FGFBP3: variants seen among roughly 807,000 people sequenced by gnomAD.
FGFBP3 encodes fibroblast growth factor-binding protein 3.
Under a neutral mutation model 4.8 loss-of-function variants are expected in FGFBP3, and 4 were observed. The observed-to-expected ratio is 0.83, with a 90% CI of 0.41 to 1.90. FGFBP3 has a LOEUF of 1.90. Among genes scored for constraint, FGFBP3 ranks in the 40% most tolerant of loss-of-function variants. FGFBP3 has a pLI of 0.03. For missense variants in FGFBP3, 429 were observed against 397.4 expected, an observed-to-expected ratio of 1.08 and a Z score of -0.68; for synonymous variants, 215 against 190.0, an observed-to-expected ratio of 1.13 and a Z score of -1.08.
intron 1 of FGFBP3, 96 bp from the exon 2 acceptor site, chr10:91,909,143 G>C: frequency 1.5e-6 from 1 of 670,784 alleles, no homozygotes; most frequent in Non-Finnish European, 2.3e-6. Flanking sequence ...AGACTTTCTA[G>C]AATCTGCAGC....
chr10:91,909,016 G>A lies in FGFBP3; in HGVS notation c.-47C>T. 6.6e-7 allele frequency: 1 copy of A among 1,518,500 alleles called. No homozygotes were observed. The highest frequency in any genetic ancestry group is 8.8e-7 in the Non-Finnish European group (1 of 1,135,066). 94.1% of individuals were successfully genotyped at this position (1,518,500 alleles called of 1,614,324 possible). ...GCTGTTCTCAGACCACGTTTGTCGG[G>A]GCTGGACCAGGCAAAGAGCATTCCC... On this transcript the variant is annotated 5_prime_UTR_variant, in exon 2 of 2. Coordinates refer to ENST00000311575, the MANE Select transcript of FGFBP3 (RefSeq NM_152429.5).
chr10:91,908,081 A>G lies in FGFBP3; in HGVS notation c.*112T>C. Reference sequence around the variant, plus strand: ...TTACCCTTGCCCCCACCCCCATTCGAGAACCTGGACTTCTCCCCAATCTCT... The same window carrying G: ...TTACCCTTGCCCCCACCCCCATTCGGGAACCTGGACTTCTCCCCAATCTCT... On this transcript the variant is annotated 3_prime_UTR_variant, in exon 2 of 2. Coordinates refer to ENST00000311575, the MANE Select transcript of FGFBP3 (RefSeq NM_152429.5). The G allele has an allele frequency of 2.5e-6, 3 of 1,178,720 alleles. No homozygotes were observed. The highest frequency in any genetic ancestry group is 3.4e-6 in the Non-Finnish European group (3 of 879,722). 73.0% of individuals were successfully genotyped at this position (1,178,720 alleles called of 1,614,324 possible).
rs916248560 is a variant in FGFBP3 at position 91,908,117 on chromosome 10, C to T, written c.*76G>A. 2 of 1,513,228 alleles carry T rather than the reference C, an allele frequency of 1.3e-6. No homozygotes were observed. The highest frequency in any genetic ancestry group is 1.8e-6 in the Non-Finnish European group (2 of 1,132,924). The allele number at this position is 1,513,228 out of a possible 1,614,324, so 93.7% of individuals were successfully genotyped here. On this transcript the variant is annotated 3_prime_UTR_variant, in exon 2 of 2. Transcript: ENST00000311575. ...TTCTCCCCAATCTCTATCACAGTAC[C>T]CCCCGGTCTAAGACGCCCTTAGCTT...
Position 91,908,144 on chromosome 10 carries a change from C to T in FGFBP3, c.*49G>A. The T allele has an allele frequency of 6.4e-7, 1 of 1,573,880 alleles. No individual in the cohort carries two copies. Among genetic ancestry groups the T allele is most frequent in the South Asian group, 1.2e-5 (1 of 86,202 alleles). ...CCCGGTCTAAGACGCCCTTAGCTTT[C>T]CCTTCCCCACGCCTCCCCCATCAAC... On this transcript the variant is annotated 3_prime_UTR_variant, in exon 2 of 2. Coordinates refer to ENST00000311575, the MANE Select transcript of FGFBP3 (RefSeq NM_152429.5).
At position 91,907,893 on chromosome 10, in the gene FGFBP3, C is replaced by T; in HGVS notation, c.*300G>A. On this transcript the variant is annotated 3_prime_UTR_variant, in exon 2 of 2. Coordinates refer to ENST00000311575, the MANE Select transcript of FGFBP3 (RefSeq NM_152429.5). ...TCTCAGCCTCCCTCTGCATCGATTT[C>T]TCTCCCCAGTCTCCAGTTTTTGCAC... is the stretch of plus-strand genomic sequence containing the variant. The T allele has an allele frequency of 2.9e-6, 1 of 339,014 alleles. No individual in the cohort carries two copies. The highest frequency in any genetic ancestry group is 7.8e-4 in the Middle Eastern group (1 of 1,274). 21.0% of individuals were successfully genotyped at this position (339,014 alleles called of 1,614,324 possible). A position where few individuals can be genotyped will look rare whatever the true frequency, so the allele number is the denominator to read the frequency against.
In FGFBP3 at chr10:91,908,382, T is replaced by C. The variant is rs1405080880; in HGVS notation, c.588A>G (p.Lys196=). The change falls in exon 2 of 2, where the codon AAA becomes AAG. Residue 196 remains lysine, a synonymous_variant. Coordinates refer to ENST00000311575, the MANE Select transcript of FGFBP3 (RefSeq NM_152429.5). ...GTPPPQSAPP[K]ENPSERKTNE... is the part of the protein sequence containing the mutation. ...TGGTCTTCCTCTCTGAGGGGTTTTC[T>C]TTGGGCGGTGCGCTTTGGGGAGGCG... is the stretch of plus-strand genomic sequence containing the variant. 5.1e-6 allele frequency: 8 copies of C among 1,564,668 alleles called. No individual in the cohort carries two copies. The highest frequency in any genetic ancestry group is 6.9e-6 in the Non-Finnish European group (8 of 1,160,138).
chr10:91,908,132 G>T lies in FGFBP3; in HGVS notation c.*61C>A. ...ATCACAGTACCCCCCGGTCTAAGAC[G>T]CCCTTAGCTTTCCCTTCCCCACGCC... is the stretch of plus-strand genomic sequence containing the variant. On this transcript the variant is annotated 3_prime_UTR_variant, in exon 2 of 2. Coordinates refer to ENST00000311575, the MANE Select transcript of FGFBP3 (RefSeq NM_152429.5). 6.6e-7 allele frequency: 1 copy of T among 1,524,818 alleles called. No individual in the cohort carries two copies. 94.5% of individuals were successfully genotyped at this position (1,524,818 alleles called of 1,614,324 possible). A position where few individuals can be genotyped will look rare whatever the true frequency, so the allele number is the denominator to read the frequency against.
Position 91,908,888 on chromosome 10 carries a change from TCCGAGCAGCC to T in FGFBP3, c.72_81del (p.Ala25GlyfsTer120). On this transcript the variant is annotated frameshift_variant, in exon 2 of 2. Coordinates refer to ENST00000311575, the MANE Select transcript of FGFBP3 (RefSeq NM_152429.5). LOFTEE classifies it low-confidence loss of function (END_TRUNC). ...ACGTTGCTAGCCGCCCCTTTCTCCC[TCCGAGCAGCC>T]GCGAGGAGGCAACCACTCAGCAGCA... is the stretch of plus-strand genomic sequence containing the variant. 1 of 1,592,438 alleles carries T rather than the reference TCCGAGCAGCC, an allele frequency of 6.3e-7. No homozygotes were observed. The highest frequency in any genetic ancestry group is 8.5e-7 in the Non-Finnish European group (1 of 1,173,736).
chr10:91,908,705 G>A lies in FGFBP3; in HGVS notation c.265C>T (p.Gln89Ter). The change falls in exon 2 of 2, where the codon CAG becomes TAG. Residue 89 changes from glutamine (Q) to a stop codon, truncating the protein, a stop_gained. Transcript: ENST00000311575. LOFTEE classifies it low-confidence loss of function (END_TRUNC). Reference protein sequence around the residue: ...RCQSPDGARHQCAYRGHPERC... With the variant: ...RCQSPDGARH ...TCCGGATGCCCGCGGTAGGCGCACTGGTGGCGCGCCCCGTCCGGGCTCTGG... is the reference window on the plus strand; with the variant it reads ...TCCGGATGCCCGCGGTAGGCGCACTAGTGGCGCGCCCCGTCCGGGCTCTGG... The A allele has an allele frequency of 2.1e-6, 3 of 1,395,602 alleles. No homozygotes were observed. The highest frequency in any genetic ancestry group is 2.8e-6 in the Non-Finnish European group (3 of 1,081,718). The allele number at this position is 1,395,602 out of a possible 1,614,324, so 86.5% of individuals were successfully genotyped here.
Position 91,908,459 on chromosome 10 carries a change from G to T in FGFBP3, c.511C>A (p.Arg171=). Residue 171 remains arginine (R), a synonymous_variant, in exon 2 of 2, where the codon CGG becomes AGG. Transcript: ENST00000311575. ...GFAGESKPRA[R]NRGRTRERAS... ...CGCTCCCGGGTCCGCCCCCGGTTCC[G>T]GGCCCGGGGCTTGGACTCCCCCGCG... The T allele has an allele frequency of 6.9e-7, 1 of 1,451,142 alleles. No homozygotes were observed. 89.9% of individuals were successfully genotyped at this position (1,451,142 alleles called of 1,614,324 possible).
In FGFBP3 at chr10:91,908,732, A is replaced by C. The variant is rs780202289; in HGVS notation, c.238T>G (p.Cys80Gly). Residue 80 changes from cysteine (C) to glycine (G), a missense_variant, in exon 2 of 2, where the codon TGC (cysteine) becomes GGC (glycine). Cys to Gly is a radical substitution (Grantham distance 159). Coordinates refer to ENST00000311575, the MANE Select transcript of FGFBP3 (RefSeq NM_152429.5). ...TGGCGCGCCCCGTCCGGGCTCTGGC[A>C]GCGCAGCGCCAGCTCGCTGCCCGCT... Reference protein sequence around the residue: ...AAAGSELALRCQSPDGARHQC... With the variant: ...AAAGSELALRGQSPDGARHQC... The C allele has an allele frequency of 1.1e-5, 15 of 1,376,378 alleles. 1 individual carries two copies. The South Asian group carries it at 2.3e-4, about 21-fold the overall frequency. 85.3% of individuals were successfully genotyped at this position (1,376,378 alleles called of 1,614,324 possible). A position where few individuals can be genotyped will look rare whatever the true frequency, so the allele number is the denominator to read the frequency against.
Position 91,908,927 on chromosome 10 carries a change from GCAGCGACGGCGA to G in FGFBP3, c.31_42del (p.Ser11_Leu14del), listed in dbSNP as rs1295923743. 7.5e-6 allele frequency: 12 copies of G among 1,605,516 alleles called. No homozygotes were observed. Among genetic ancestry groups the G allele is most frequent in the Non-Finnish European group, 9.3e-6 (11 of 1,177,450 alleles). On this transcript the variant is annotated inframe_deletion, in exon 2 of 2. Coordinates refer to ENST00000311575, the MANE Select transcript of FGFBP3 (RefSeq NM_152429.5). ...AGGAGGCAACCACTCAGCAGCAGCA[GCAGCGACGGCGA>G]CAGCGACGCTCGCAGCTTCGGAGGA...
Position 91,908,919 on chromosome 10 carries a change from C to T in FGFBP3, c.51G>A (p.Leu17=), listed in dbSNP as rs1401353044. The stretch of plus-strand genomic sequence containing the variant: ...CAGCCGCGAGGAGGCAACCACTCAG[C>T]AGCAGCAGCAGCGACGGCGACAGCG... ...RASLSPSLLL[L]LSGCLLAAAR... The change falls in exon 2 of 2, where the codon CTG becomes CTA. Residue 17 remains leucine, a synonymous_variant. Coordinates refer to ENST00000311575, the MANE Select transcript of FGFBP3 (RefSeq NM_152429.5). 2 of 1,604,928 alleles carry T rather than the reference C, an allele frequency of 1.2e-6. No individual in the cohort carries two copies. Among genetic ancestry groups the T allele is most frequent in the Admixed American group, 3.4e-5 (2 of 59,246 alleles).
chr10:91,908,511 CG>C lies in FGFBP3; in HGVS notation c.458del (p.Pro153ArgfsTer116). On this transcript the variant is annotated frameshift_variant, in exon 2 of 2. Coordinates refer to ENST00000311575, the MANE Select transcript of FGFBP3 (RefSeq NM_152429.5). LOFTEE classifies it low-confidence loss of function (END_TRUNC). ...ATCCCGCGACGGTGGGGCGTGCGGGCGGGGACGCGCGGGGCACTAGCCGCAG... is the reference window on the plus strand; with the variant it reads ...ATCCCGCGACGGTGGGGCGTGCGGGCGGGACGCGCGGGGCACTAGCCGCAG... Reference protein sequence around the residue: ...AELRLVPRASPPARPTVAGFA... With the variant: ...AELRLVPRASXPARPTVAGFA... 1 of 1,375,450 alleles carries C rather than the reference CG, an allele frequency of 7.3e-7. No individual in the cohort carries two copies. The allele number at this position is 1,375,450 out of a possible 1,614,324, so 85.2% of individuals were successfully genotyped here.
chr10:91,908,796 C>T lies in FGFBP3; in HGVS notation c.174G>A (p.Ala58=). Residue 58 remains alanine, a synonymous_variant, in exon 2 of 2, where the codon GCG becomes GCA. Coordinates refer to ENST00000311575, the MANE Select transcript of FGFBP3 (RefSeq NM_152429.5). Reference sequence around the variant, plus strand: ...CGGGCAGCAGGAGCTGCCAGCTGCACGCGTGCTGCTCGGGGCTGAGGAAGC... The same window carrying T: ...CGGGCAGCAGGAGCTGCCAGCTGCATGCGTGCTGCTCGGGGCTGAGGAAGC... ...SGRFLSPEQH[A]CSWQLLLPAP... is the part of the protein sequence containing the mutation. 1 of 1,444,914 alleles carries T rather than the reference C, an allele frequency of 6.9e-7. No individual in the cohort carries two copies. The highest frequency in any genetic ancestry group is 9.0e-7 in the Non-Finnish European group (1 of 1,109,258). 89.5% of individuals were successfully genotyped at this position (1,444,914 alleles called of 1,614,324 possible). A position where few individuals can be genotyped will look rare whatever the true frequency, so the allele number is the denominator to read the frequency against.
In FGFBP3 at chr10:91,908,664, G is replaced by T. The variant is rs773810665; in HGVS notation, c.306C>A (p.Tyr102Ter). The change falls in exon 2 of 2, where the codon TAC (tyrosine) becomes TAA (stop). Residue 102 changes from tyrosine to a stop codon, truncating the protein, a stop_gained. Transcript: ENST00000311575. LOFTEE classifies it low-confidence loss of function (END_TRUNC). ...YRGHPERCAA[Y>*]AARRAHFWKQ... Reference sequence around the variant, plus strand: ...TCCAGAAGTGCGCGCGGCGAGCGGCGTAGGCTGCGCAGCGCTCCGGATGCC... The same window carrying T: ...TCCAGAAGTGCGCGCGGCGAGCGGCTTAGGCTGCGCAGCGCTCCGGATGCC... The T allele has an allele frequency of 2.8e-6, 4 of 1,435,306 alleles. No homozygotes were observed. In the South Asian group the frequency reaches 5.6e-5, roughly 20 times the overall value. The allele number at this position is 1,435,306 out of a possible 1,614,324, so 88.9% of individuals were successfully genotyped here. A position where few individuals can be genotyped will look rare whatever the true frequency, so the allele number is the denominator to read the frequency against.
At chr10:91,909,274 C>T in intron 1 of FGFBP3, 124 bp downstream of exon 1, 1 of 415,110 alleles carries the variant, frequency 2.4e-6, no homozygotes, top group African/African-American at 2.1e-5. Context: ...CAAAACGATG[C>T]GTGATAATTG....
chr10:91,909,102 A>G lies in FGFBP3; in HGVS notation c.-78-55T>C, dbSNP rs1383245254. Reference sequence around the variant, plus strand: ...CTGAGCCACACGCAGCGCTTCGCCCAGACACATGCACCTGCGAACTACTCT... The same window carrying G: ...CTGAGCCACACGCAGCGCTTCGCCCGGACACATGCACCTGCGAACTACTCT... On this transcript the variant is annotated intron_variant, in intron 1 of 1. Coordinates refer to ENST00000311575, the MANE Select transcript of FGFBP3 (RefSeq NM_152429.5). 14 of 1,008,626 alleles carry G rather than the reference A, an allele frequency of 1.4e-5. No individual in the cohort carries two copies. The African/African-American group carries it at 1.9e-4, about 14-fold the overall frequency. The allele number at this position is 1,008,626 out of a possible 1,614,324, so 62.5% of individuals were successfully genotyped here.
Position 91,908,615 on chromosome 10 carries a change from TG to T in FGFBP3, c.354del (p.Lys119ArgfsTer29). 1 of 1,429,414 alleles carries T rather than the reference TG, an allele frequency of 7.0e-7. No homozygotes were observed. The highest frequency in any genetic ancestry group is 9.1e-7 in the Non-Finnish European group (1 of 1,096,472). The allele number at this position is 1,429,414 out of a possible 1,614,324, so 88.5% of individuals were successfully genotyped here. ...HFWKQVLGGL[R>X]KKRRPCHDPA... ...GGGTCGTGACAGGGCCTCCGCTTCT[TG>T]CGCAGCCCTCCCAGCACCTGCTTCC... is the stretch of plus-strand genomic sequence containing the variant. On this transcript the variant is annotated frameshift_variant, in exon 2 of 2. Coordinates refer to ENST00000311575, the MANE Select transcript of FGFBP3 (RefSeq NM_152429.5). LOFTEE classifies it low-confidence loss of function (END_TRUNC).
Sources: gnomAD v4.1 joint callset for allele counts on GRCh38, gnomAD v4.1.1 for gene constraint, MANE v1.5 for transcripts, NCBI Gene and HGNC (gene_info 2026-07-23, HGNC 2026-07-21) for gene names.